The following BTD variants were observed in gnomAD, a reference collection of about 807,000 sequenced individuals.
The protein encoded by BTD is biocytinase.
BTD carries 13 observed loss-of-function variants against 17.7 expected under a neutral mutation model. That is an observed-to-expected ratio of 0.74 (90% CI 0.48 to 1.17). The LOEUF is 1.17. Among genes scored for constraint, BTD ranks in the 50% most tolerant of loss-of-function variants. The pLI is 0.00. For synonymous variants in BTD, 240 were observed against 245.2 expected, an observed-to-expected ratio of 0.98 and a Z score of 0.20; for missense variants, 674 against 650.4, an observed-to-expected ratio of 1.04 and a Z score of -0.39.
At chr3:15,687,374 C>T (rs186151043) in intron 3 of BTD, among the ~76,000 whole-genome samples, 2 of 152,058 alleles carry the variant, frequency 1.3e-5, no homozygotes, top group South Asian at 2.1e-4. Context: ...AATGATCCAT[C>T]TAAAGAATGC....
intron 3 of BTD, among the ~76,000 whole-genome samples, chr3:15,683,297 T>A (rs889158033): frequency 2.0e-5 from 3 of 152,214 alleles, no homozygotes; most frequent in African/African-American, 7.2e-5. Flanking sequence ...TCCCACTATA[T>A]TAGATATTTT....
chr3:15,636,032 A>G (rs573522505), intron 2 of BTD, among the ~76,000 whole-genome samples: 2 of 152,318 alleles, frequency 1.3e-5, no homozygotes, highest in East Asian at 1.9e-4. Context: ...GTGGTTGTAC[A>G]TAAGAATCAC....
chr3:15,714,866 C>T (rs2072815404), downstream of BTD, among the ~76,000 whole-genome samples: 1 of 151,988 alleles, frequency 6.6e-6, no homozygotes, highest in Non-Finnish European at 1.5e-5. Context: ...TACAAAAATT[C>T]CATGCTTACA....
chr3:15,614,917 C>T (rs1186805084), intron 1 of BTD, among the ~76,000 whole-genome samples: 1 of 152,214 alleles, frequency 6.6e-6, no homozygotes, highest in East Asian at 1.9e-4. Context: ...TATTCTTTTA[C>T]CTGTTTTAGA....
chr3:15,678,595 C>T (rs1349659683), intron 3 of BTD, among the ~76,000 whole-genome samples: 1 of 152,060 alleles, frequency 6.6e-6, no homozygotes, highest in Non-Finnish European at 1.5e-5. Flanking sequence ...AGATTAATTA[C>T]AAAATTGCTA....
At chr3:15,611,282 A>G (rs1009874896) in intron 1 of BTD, among the ~76,000 whole-genome samples, 1 of 152,168 alleles carries the variant, frequency 6.6e-6, no homozygotes, top group Non-Finnish European at 1.5e-5. Flanking sequence ...GTACAACATG[A>G]TAATTGGAGT....
At chr3:15,711,778 C>T (rs1040499497) in exon 4 of BTD, among the ~76,000 whole-genome samples, 3 of 152,050 alleles carry the variant, frequency 2.0e-5, no homozygotes, top group Non-Finnish European at 4.4e-5. Flanking sequence ...CCTCTGCCTC[C>T]TGGGTTCAAG....
At chr3:15,677,107 A>G in intron 3 of BTD, 1 of 1,412,208 alleles carries the variant, frequency 7.1e-7, no homozygotes, top group Non-Finnish European at 1.0e-6. Flanking sequence ...TTAAAGATAC[A>G]TTTATACACC....
intron 3 of BTD, among the ~76,000 whole-genome samples, chr3:15,666,089 C>T (rs77389857): frequency 0.02 from 3,041 of 152,292 alleles, 57 homozygotes; most frequent in South Asian, 0.074. Flanking sequence ...ACTATGTTAC[C>T]TCCCCCTTTA....
chr3:15,614,124 TC>T (rs67160556), intron 1 of BTD, among the ~76,000 whole-genome samples: 1,634 of 135,460 alleles, frequency 0.012, 45 homozygotes, highest in African/African-American at 0.045. Context: ...TTTCTTTCTT[TC>T]TTTTTTTTTT....
chr3:15,652,269 T>C lies in BTD; in HGVS notation c.*6781T>C, dbSNP rs1045693296. On this transcript the variant is annotated 3_prime_UTR_variant, in exon 4 of 4. Transcript: ENST00000643237. ...TGAACCCGGGAGGCGGAGGTTACAA[T>C]GAGCTGAGATAGCACCACTGCACTC... 3.9e-5 allele frequency among the ~76,000 whole-genome samples: 6 copies of C among 152,114 alleles called. No individual in the cohort carries two copies. The highest frequency in any genetic ancestry group is 5.9e-5 in the Non-Finnish European group (4 of 68,004).
rs76907975 is a variant in BTD, at chr3:15,610,303, G to A, written c.-17+8409G>A. 1.6e-3 allele frequency among the ~76,000 whole-genome samples: 242 copies of A among 152,288 alleles called. 2 individuals are homozygous for A. The highest frequency in any genetic ancestry group is 0.012 in the East Asian group (63 of 5,184). On this transcript the variant is annotated intron_variant, in intron 1 of 3. Transcript: ENST00000643237. The stretch of plus-strand genomic sequence containing the variant: ...GCAGGCTAGCTGGACTTCTTCATTG[G>A]ATGGCAGCAGGTTGCAAAAGGGAAT...
At chr3:15,659,316 A>T (rs1479324525) in intron 3 of BTD, among the ~76,000 whole-genome samples, 2 of 149,784 alleles carry the variant, frequency 1.3e-5, no homozygotes, top group Non-Finnish European at 3.0e-5. Flanking sequence ...GGGGGATAAT[A>T]AGGCAGATCC....
chr3:15,604,068 G>A (rs1035414756), intron 1 of BTD, among the ~76,000 whole-genome samples: 1 of 152,216 alleles, frequency 6.6e-6, no homozygotes, highest in African/African-American at 2.4e-5. Flanking sequence ...GAGGACGGTG[G>A]CCCTCTTCTC....
intron 3 of BTD, chr3:15,677,521 C>T (rs774748129): frequency 6.2e-7 from 1 of 1,613,088 alleles, no homozygotes; most frequent in South Asian, 1.1e-5. Flanking sequence ...TTACTGTTAT[C>T]TTGTAAAGTC....
exon 4 of BTD, chr3:15,711,989 C>A: frequency 1.6e-6 from 1 of 642,710 alleles, no homozygotes. Flanking sequence ...AGCCACCACG[C>A]CAGACCTGAA....
chr3:15,713,621 C>T (rs371050388), downstream of BTD: 1 of 1,607,780 alleles, frequency 6.2e-7, no homozygotes, highest in Non-Finnish European at 8.5e-7. Flanking sequence ...CCATTCTTAT[C>T]CTCACAGTCG....
intron 3 of BTD, among the ~76,000 whole-genome samples, chr3:15,686,607 G>A (rs1399993936): frequency 2.0e-5 from 3 of 152,148 alleles, no homozygotes; most frequent in African/African-American, 7.2e-5. Flanking sequence ...ATGTGGTCAG[G>A]AAGAGTGCCT....
intron 3 of BTD, among the ~76,000 whole-genome samples, chr3:15,705,814 A>T (rs1471333023): frequency 6.6e-6 from 1 of 152,098 alleles, no homozygotes; most frequent in Non-Finnish European, 1.5e-5. Context: ...CAGCCTGGCC[A>T]ACATGGTGAA....
Sources: gnomAD v4.1 joint callset for allele counts (sites outside exome capture counted in the v4.1 genomes callset) on GRCh38, gnomAD v4.1.1 for gene constraint, MANE v1.5 for transcripts, NCBI Gene and HGNC (gene_info 2026-07-23, HGNC 2026-07-21) for gene names.